The following NAV3 variants were observed in gnomAD, a reference collection of about 807,000 sequenced individuals.
The protein encoded by NAV3 is pore membrane and/or filament interacting like protein 1.
A neutral mutation model predicts 244.7 loss-of-function variants in NAV3; 87 were observed. The ratio of observed to expected loss-of-function variants is 0.36; its 90% CI spans 0.30 to 0.42. NAV3 has a LOEUF of 0.42. NAV3 is among the 20% of genes least tolerant of loss of function. The probability of loss-of-function intolerance (pLI) is 1.00; values close to 1 mark genes in which losing one functional copy is unlikely to be tolerated. For missense variants in NAV3, 2,663 were observed against 2,893.3 expected (o/e 0.92, Z 1.83); for synonymous variants, 1,126 against 1,042.2 (o/e 1.08, Z -1.55).
chr12:78,054,809 G>C (rs983758455), intron 11 of NAV3, among the ~76,000 whole-genome samples: 3 of 152,094 alleles, frequency 2.0e-5, no homozygotes, highest in African/African-American at 7.2e-5. Flanking sequence ...GAAAGAGAGA[G>C]AGCGAGAGAG....
intron 2 of NAV3, among the ~76,000 whole-genome samples, chr12:77,676,685 C>T (rs1410171853): frequency 6.6e-6 from 1 of 151,696 alleles, no homozygotes; most frequent in African/African-American, 2.4e-5. Flanking sequence ...AACCTGTCAT[C>T]TAGGCAAGGG....
At chr12:77,716,594 T>C (rs2137274666) in intron 2 of NAV3, among the ~76,000 whole-genome samples, 1 of 152,122 alleles carries the variant, frequency 6.6e-6, no homozygotes, top group East Asian at 1.9e-4. Flanking sequence ...TTTTTTGCAC[T>C]ATAAATATAG....
chr12:77,713,150 C>T (rs983747288), intron 2 of NAV3, among the ~76,000 whole-genome samples: 6 of 152,288 alleles, frequency 3.9e-5, no homozygotes, highest in East Asian at 3.9e-4. Context: ...CACCTGTGCA[C>T]GCCTGCTCTG....
intron 12 of NAV3, among the ~76,000 whole-genome samples, chr12:78,061,120 C>A (rs1257873742): frequency 6.6e-6 from 1 of 152,144 alleles, no homozygotes; most frequent in Non-Finnish European, 1.5e-5. Context: ...AAGACAGATT[C>A]TCAGCTTCAT....
chr12:77,805,658 T>G, intron 2 of NAV3, among the ~76,000 whole-genome samples: 1 of 68,944 alleles, frequency 1.5e-5, no homozygotes, highest in East Asian at 6.7e-4. Context: ...CAGGTTTTAG[T>G]ATCAGGATGA....
At chr12:78,194,253 T>C (rs965934962) in intron 34 of NAV3, among the ~76,000 whole-genome samples, 1 of 152,018 alleles carries the variant, frequency 6.6e-6, no homozygotes, top group African/African-American at 2.4e-5. Flanking sequence ...TATTATAAGT[T>C]TATCCTCTTC....
At chr12:78,121,733 C>G (rs1044880602) in intron 15 of NAV3, among the ~76,000 whole-genome samples, 5 of 152,118 alleles carry the variant, frequency 3.3e-5, no homozygotes, top group African/African-American at 1.2e-4. Context: ...CTAGTAGCAG[C>G]TCAGTACTGA....
chr12:77,949,736 T>C (rs1890697195), intron 3 of NAV3, among the ~76,000 whole-genome samples: 2 of 152,036 alleles, frequency 1.3e-5, no homozygotes, highest in Non-Finnish European at 2.9e-5. Context: ...TATTAAAGTT[T>C]ACTCTTGGTA....
At chr12:77,860,127 G>A (rs966366599) in intron 1 of NAV3, among the ~76,000 whole-genome samples, 10 of 151,670 alleles carry the variant, frequency 6.6e-5, no homozygotes, top group African/African-American at 1.2e-4. Context: ...GTAGCCAAAC[G>A]CGTAAAATAT....
At chr12:77,838,486 CT>C (rs1413600148) in intron 1 of NAV3, among the ~76,000 whole-genome samples, 4 of 152,220 alleles carry the variant, frequency 2.6e-5, no homozygotes, top group Admixed American at 6.5e-5. Context: ...TTTCATACAA[CT>C]TTTTAATTTT....
At chr12:77,639,371 AG>A (rs1253159379) in intron 2 of NAV3, among the ~76,000 whole-genome samples, 1 of 152,200 alleles carries the variant, frequency 6.6e-6, no homozygotes, top group East Asian at 1.9e-4. Flanking sequence ...ACAATGAAGC[AG>A]AAACTTCATT....
intron 39 of NAV3, among the ~76,000 whole-genome samples, chr12:78,208,654 T>C (rs936064598): frequency 5.3e-5 from 8 of 152,190 alleles, no homozygotes; most frequent in African/African-American, 1.7e-4. Context: ...ACATATTTAC[T>C]ATATGACACC....
At chr12:77,778,235 C>T (rs2135904302) in intron 2 of NAV3, among the ~76,000 whole-genome samples, 2 of 141,052 alleles carry the variant, frequency 1.4e-5, no homozygotes, top group South Asian at 5.1e-4. Flanking sequence ...CTCCTTTCTT[C>T]TTTCCTCCCC....
At chr12:78,182,127 C>T (rs906794466) in intron 30 of NAV3, among the ~76,000 whole-genome samples, 1 of 151,934 alleles carries the variant, frequency 6.6e-6, no homozygotes, top group African/African-American at 2.4e-5. Flanking sequence ...AAGTAAAAAG[C>T]AAGAGATTTC....
intron 24 of NAV3, among the ~76,000 whole-genome samples, chr12:78,171,568 T>A (rs1368183710): frequency 6.6e-6 from 1 of 151,622 alleles, no homozygotes. Context: ...TTTGAATATA[T>A]ATAGGATAGT....
intron 2 of NAV3, among the ~76,000 whole-genome samples, chr12:77,793,594 T>A (rs1195890219): frequency 6.6e-6 from 1 of 152,140 alleles, no homozygotes; most frequent in Non-Finnish European, 1.5e-5. Context: ...TGTTCCTGTG[T>A]TAGTTTTCTG....
rs184088720 is a variant in NAV3, at chr12:77,753,634, C to T, written c.72+181368C>T. ...AATGAGGTGTTTTATTCTCTCTTAT[C>T]CCTTGCCACAGTCAGTAGAAAAAGG... On this transcript the variant is annotated intron_variant, in intron 2 of 8. Transcript: ENST00000550042. Among the ~76,000 whole-genome samples, 111 of 152,226 alleles carry T rather than the reference C, an allele frequency of 7.3e-4. 1 individual carries two copies. Among genetic ancestry groups the T allele is most frequent in the African/African-American group, 2.6e-3 (108 of 41,524 alleles).
At chr12:77,879,965 C>A (rs1882415938) in intron 1 of NAV3, among the ~76,000 whole-genome samples, 2 of 152,080 alleles carry the variant, frequency 1.3e-5, no homozygotes, top group African/African-American at 4.8e-5. Flanking sequence ...CTCTCATTTT[C>A]CTTATTCATG....
At chr12:77,873,535 TC>T (rs1168125702) in intron 1 of NAV3, among the ~76,000 whole-genome samples, 3 of 151,480 alleles carry the variant, frequency 2.0e-5, no homozygotes, top group Middle Eastern at 3.6e-3. Context: ...ATTTAGCATT[TC>T]TGTTATATGT....
Sources: allele counts gnomAD v4.1 joint callset (sites outside exome capture counted in the v4.1 genomes callset), GRCh38; gene constraint gnomAD v4.1.1; transcripts MANE v1.5; gene names NCBI Gene and HGNC (gene_info 2026-07-23, HGNC 2026-07-21).